Variants in PLEKHA5 observed in about 807,000 individuals in gnomAD.
PLEKHA5 encodes pleckstrin homology domain containing A5.
Under a neutral mutation model 181.9 loss-of-function variants are expected in PLEKHA5, and 55 were observed. The ratio of observed to expected loss-of-function variants is 0.30; its 90% CI spans 0.24 to 0.38. The LOEUF is 0.38. PLEKHA5 is among the 10% of genes least tolerant of loss of function. The pLI is 1.00. For missense variants in PLEKHA5, 1,432 were observed against 1,549.5 expected (o/e 0.92, Z 1.27); for synonymous variants, 535 against 529.4 (o/e 1.01, Z -0.15).
At chr12:19,363,274 C>T (rs1376294444) in intron 29 of PLEKHA5, among the ~76,000 whole-genome samples, 3 of 151,660 alleles carry the variant, frequency 2.0e-5, no homozygotes, top group Non-Finnish European at 4.4e-5. Flanking sequence ...GCCTCAGCCT[C>T]CTGAGTAGCT....
chr12:19,216,620 A>G (rs937826910), intron 3 of PLEKHA5, among the ~76,000 whole-genome samples: 2 of 151,070 alleles, frequency 1.3e-5, no homozygotes, highest in Admixed American at 1.3e-4. Context: ...CCCAGATCAC[A>G]CCACTGCACT....
At chr12:19,208,111 AT>A (rs1565467448) in intron 3 of PLEKHA5, among the ~76,000 whole-genome samples, 1 of 152,128 alleles carries the variant, frequency 6.6e-6, no homozygotes, top group African/African-American at 2.4e-5. Flanking sequence ...TAGGCATTCA[AT>A]AAATGTTTAT....
chr12:19,247,685 G>GA (rs1180710245), intron 3 of PLEKHA5, among the ~76,000 whole-genome samples: 36 of 151,040 alleles, frequency 2.4e-4, no homozygotes, highest in African/African-American at 9.7e-5. Flanking sequence ...TAATAAATAG[G>GA]AAAAAAACAA....
At chr12:19,307,564 A>G (rs1370259395) in intron 15 of PLEKHA5, 1 of 325,478 alleles carries the variant, frequency 3.1e-6, no homozygotes, top group Non-Finnish European at 6.2e-6. Context: ...AAAAGAAGGC[A>G]TTCAAGATCA....
chr12:19,255,541 A>G (rs1045571488), intron 5 of PLEKHA5, among the ~76,000 whole-genome samples: 1 of 151,890 alleles, frequency 6.6e-6, no homozygotes, highest in Non-Finnish European at 1.5e-5. Context: ...TTGTAAGGAA[A>G]TAGATAATTA....
chr12:19,359,415 C>G lies in PLEKHA5; in HGVS notation c.3352C>G (p.Arg1118Gly). ...ATGCTATATGTCTTTTGAGCAGACT[C>G]GAAGGAGGGATGATAAGGAACTGGA... ...RDNPFRTTQT[R>G]RRDDKELDTA... The change falls in exon 28 of 32, where the codon CGA (arginine) becomes GGA (glycine). Residue 1118 changes from arginine (R) to glycine (G), a missense_variant. By Grantham distance (125) the Arg-to-Gly change is moderately radical. Coordinates refer to ENST00000429027, the MANE Select transcript of PLEKHA5 (RefSeq NM_001256470.2). 1.2e-6 allele frequency: 2 copies of G among 1,612,744 alleles called. No homozygotes were observed. The highest frequency in any genetic ancestry group is 1.7e-6 in the Non-Finnish European group (2 of 1,179,064).
intron 23 of PLEKHA5, 82 bp from the exon 24 acceptor site, chr12:19,346,907 TTTAAG>T (rs1195665612): frequency 9.2e-6 from 8 of 865,428 alleles, no homozygotes; most frequent in Non-Finnish European, 1.3e-5. Flanking sequence ...TTAAAGTAAA[TTTAAG>T]TTAATATACC....
chr12:19,139,295 C>T (rs1000665393), intron 3 of PLEKHA5, among the ~76,000 whole-genome samples: 2 of 152,028 alleles, frequency 1.3e-5, no homozygotes, highest in African/African-American at 4.8e-5. Flanking sequence ...CCCAGGTGGA[C>T]ATATTAATGG....
At chr12:19,283,216 C>A in intron 11 of PLEKHA5, 64 bp from the exon 12 acceptor site, 1 of 859,766 alleles carries the variant, frequency 1.2e-6, no homozygotes, top group South Asian at 1.9e-5. Context: ...GAAATGTACT[C>A]TAATTTAGAA....
At chr12:19,187,374 A>C (rs2050100757) in intron 3 of PLEKHA5, among the ~76,000 whole-genome samples, 1 of 152,208 alleles carries the variant, frequency 6.6e-6, no homozygotes, top group African/African-American at 2.4e-5. Flanking sequence ...TAAGTGACTT[A>C]GCTGGGTGGT....
chr12:19,349,844 G>A (rs2094508075), intron 25 of PLEKHA5, among the ~76,000 whole-genome samples: 1 of 152,092 alleles, frequency 6.6e-6, no homozygotes, highest in Non-Finnish European at 1.5e-5. Flanking sequence ...TGGGCACGGT[G>A]GCTCACTCCT....
At chr12:19,132,506 C>T in intron 3 of PLEKHA5, 56 bp downstream of exon 3, 1 of 857,970 alleles carries the variant, frequency 1.2e-6, no homozygotes, top group African/African-American at 1.7e-5. Flanking sequence ...GTGATTACTC[C>T]TCAGCTGAAT....
At chr12:19,318,807 G>C (rs928029495) in intron 16 of PLEKHA5, among the ~76,000 whole-genome samples, 1 of 152,054 alleles carries the variant, frequency 6.6e-6, no homozygotes, top group South Asian at 2.1e-4. Context: ...TATAATCCCA[G>C]CTACTCTGGA....
chr12:19,215,557 AT>A (rs1436153117), intron 3 of PLEKHA5, among the ~76,000 whole-genome samples: 5 of 152,342 alleles, frequency 3.3e-5, no homozygotes, highest in African/African-American at 9.6e-5. Flanking sequence ...ATTGTAAAGC[AT>A]TCTTATATTT....
intron 15 of PLEKHA5, among the ~76,000 whole-genome samples, chr12:19,299,513 C>T (rs73331854): frequency 0.034 from 5,228 of 152,230 alleles, 215 homozygotes; most frequent in African/African-American, 0.1. Flanking sequence ...AGCAATATTC[C>T]TGGTCTCACA....
chr12:19,216,614 G>T (rs2058021851), intron 3 of PLEKHA5, among the ~76,000 whole-genome samples: 2 of 149,460 alleles, frequency 1.3e-5, no homozygotes, highest in South Asian at 4.2e-4. Flanking sequence ...AGTGAGCCCA[G>T]ATCACACCAC....
At chr12:19,298,364 T>C (rs1406540138) in intron 15 of PLEKHA5, among the ~76,000 whole-genome samples, 2 of 151,938 alleles carry the variant, frequency 1.3e-5, no homozygotes, top group Non-Finnish European at 2.9e-5. Flanking sequence ...CTTACATTAT[T>C]ATCATGGGTC....
At chr12:19,266,504 A>G (rs1414485283) in intron 8 of PLEKHA5, among the ~76,000 whole-genome samples, 3 of 151,682 alleles carry the variant, frequency 2.0e-5, no homozygotes, top group Non-Finnish European at 2.9e-5. Flanking sequence ...TATTAATAAG[A>G]TGGGCACAGT....
intron 13 of PLEKHA5, among the ~76,000 whole-genome samples, chr12:19,288,605 C>T (rs117723089): frequency 0.011 from 1,623 of 152,286 alleles, 9 homozygotes; most frequent in Non-Finnish European, 0.018. Context: ...TTTGTAAAAA[C>T]ATTGTTTTAT....
Sources: allele counts gnomAD v4.1 joint callset (sites outside exome capture counted in the v4.1 genomes callset), GRCh38; gene constraint gnomAD v4.1.1; transcripts MANE v1.5; gene names NCBI Gene and HGNC (gene_info 2026-07-23, HGNC 2026-07-21).